The following TLE6 variants were observed in gnomAD, a reference collection of about 807,000 sequenced individuals.
TLE6 encodes the protein transducin-like enhancer protein 6.
In TLE6, 72 loss-of-function variants were observed where a neutral mutation model predicts 77.1. The ratio of observed to expected loss-of-function variants is 0.93; its 90% CI spans 0.77 to 1.14. The LOEUF (loss-of-function observed/expected upper bound fraction) is 1.14. Among genes scored for constraint, TLE6 ranks in the 50% most tolerant of loss-of-function variants. The probability of loss-of-function intolerance (pLI) is 0.00; values close to 1 mark genes in which losing one functional copy is unlikely to be tolerated. For synonymous variants in TLE6, 366 were observed against 287.3 expected (o/e 1.27, Z -2.77); for missense variants, 843 against 747.6 (o/e 1.13, Z -1.49).
chr19:2,987,811 C>T, intron 9 of TLE6, 21 bp downstream of exon 9: 4 of 1,614,086 alleles, frequency 2.5e-6, no homozygotes, highest in Non-Finnish European at 3.4e-6. Context: ...CGGGCAGGGG[C>T]CGACCGACTC....
rs2088987908 is a variant in TLE6 at position 2,989,285 on chromosome 19, G to C, written c.965G>C (p.Arg322Thr). The change falls in exon 12 of 17, where the codon AGG becomes ACG. Residue 322 changes from arginine (R) to threonine (T), a missense_variant. Coordinates refer to ENST00000246112, the MANE Select transcript of TLE6 (RefSeq NM_001143986.2). The stretch of plus-strand genomic sequence containing the variant: ...CTGACTGGACAGGTGGCTGAGGACA[G>C]GTTCCCTGAGAGCCACCTGCCTATA... ...WSLTGQVAED[R>T]FPESHLPIQT... is the part of the protein sequence containing the mutation. 1 of 1,613,176 alleles carries C rather than the reference G, an allele frequency of 6.2e-7. No homozygotes were observed. Among genetic ancestry groups the C allele is most frequent in the African/African-American group, 1.3e-5 (1 of 74,952 alleles).
intron 13 of TLE6, among the ~76,000 whole-genome samples, chr19:2,991,640 G>A (rs989654098): frequency 1.7e-4 from 25 of 150,326 alleles, no homozygotes; most frequent in Non-Finnish European, 2.7e-4. Context: ...AGGCCCAGGC[G>A]GACGGAGAAG....
rs751906599 is a variant in TLE6, at chr19:2,991,829, TC to T, written c.1245-11del. 6.2e-7 allele frequency: 1 copy of T among 1,612,858 alleles called. No homozygotes were observed. Among genetic ancestry groups the T allele is most frequent in the Non-Finnish European group, 8.5e-7 (1 of 1,179,290 alleles). ...GTCTTGACCTGATTGCCTCCCGATG[TC>T]CCTTCTGGCCAGGGACCTCAAGGGT... is the stretch of plus-strand genomic sequence containing the variant. On this transcript the variant is annotated splice_polypyrimidine_tract_variant and intron_variant, in intron 13 of 16. Transcript: ENST00000246112.
intron 1 of TLE6, 78 bp downstream of exon 1, chr19:2,977,688 G>C (rs1478518941): frequency 6.5e-6 from 1 of 153,462 alleles, no homozygotes; most frequent in Non-Finnish European, 1.5e-5. Context: ...AGGGGCTGCA[G>C]GGGCGTGGAG....
intron 10 of TLE6, 52 bp from the exon 11 acceptor site, chr19:2,988,039 G>A: frequency 6.4e-7 from 1 of 1,570,198 alleles, no homozygotes; most frequent in Non-Finnish European, 8.6e-7. Flanking sequence ...AGAGGAGGTG[G>A]GCACAGATGT....
chr19:2,992,332 C>T (rs1007539066), intron 14 of TLE6, among the ~76,000 whole-genome samples: 3 of 152,102 alleles, frequency 2.0e-5, no homozygotes, highest in Admixed American at 6.6e-5. Context: ...ATTGGCCAGG[C>T]ATGGTGGCAC....
At chr19:2,990,474 G>C (rs945919274) in intron 13 of TLE6, among the ~76,000 whole-genome samples, 13 of 150,442 alleles carry the variant, frequency 8.6e-5, no homozygotes, top group Non-Finnish European at 1.8e-4. Flanking sequence ...CGCGGTGGTG[G>C]GTACCTGTAG....
chr19:2,988,601 A>T (rs1437564295), intron 11 of TLE6, among the ~76,000 whole-genome samples: 1 of 152,090 alleles, frequency 6.6e-6, no homozygotes, highest in Non-Finnish European at 1.5e-5. Context: ...GTCTCAAAAA[A>T]AAAGTGCAGT....
Position 2,990,827 on chromosome 19 carries a change from C to G in TLE6, c.1245-1016C>G, listed in dbSNP as rs1482631846. Among the ~76,000 whole-genome samples, 6 of 149,836 alleles carry G rather than the reference C, an allele frequency of 4.0e-5. No homozygotes were observed. In the Admixed American group the frequency reaches 4.0e-4, roughly 10 times the overall value. On this transcript the variant is annotated intron_variant, in intron 13 of 16. Transcript: ENST00000246112. ...ACCAGCCTGGCCAACATGGCGAAAC[C>G]CCCTCTCTACTAAAAAATATGAAAA...
chr19:2,987,447 A>AC (rs1264186260), intron 8 of TLE6, 75 bp downstream of exon 8: 2 of 1,585,046 alleles, frequency 1.3e-6, no homozygotes, highest in Admixed American at 3.3e-5. Flanking sequence ...AGGTCAGGGC[A>AC]CTGGGGTTCC....
intron 16 of TLE6, among the ~76,000 whole-genome samples, 154 bp from the exon 17 acceptor site, chr19:2,994,746 G>A (rs2145080540): frequency 6.6e-6 from 1 of 152,322 alleles, no homozygotes; most frequent in Admixed American, 6.5e-5. Context: ...CGAGGCTGCA[G>A]CAAGCTGAGA....
At chr19:2,990,703 A>T (rs1437758435) in intron 13 of TLE6, among the ~76,000 whole-genome samples, 1 of 130,072 alleles carries the variant, frequency 7.7e-6, no homozygotes, top group Admixed American at 7.5e-5. Context: ...ATAAATATAT[A>T]CATATATAAA....
At chr19:2,990,197 G>A (rs370698286) in intron 13 of TLE6, among the ~76,000 whole-genome samples, 1 of 151,950 alleles carries the variant, frequency 6.6e-6, no homozygotes, top group South Asian at 2.1e-4. Context: ...CCAGGAATTC[G>A]AGATTAACCT....
At position 2,982,725 on chromosome 19, in the gene TLE6, C is replaced by T. The variant is rs371683687; in HGVS notation, c.222+536C>T. Among the ~76,000 whole-genome samples, 3 of 151,884 alleles carry T rather than the reference C, an allele frequency of 2.0e-5. No individual in the cohort carries two copies. The South Asian group carries it at 6.2e-4, about 32-fold the overall frequency. ...GAAGCCCCCGTGATATTAGTGGAGG[C>T]CCCATATCTTGGGGAGCATCTCCTG... On this transcript the variant is annotated intron_variant, in intron 5 of 16. Coordinates refer to ENST00000246112, the MANE Select transcript of TLE6 (RefSeq NM_001143986.2).
intron 5 of TLE6, among the ~76,000 whole-genome samples, chr19:2,983,251 T>C (rs1319898999): frequency 6.6e-6 from 1 of 152,092 alleles, no homozygotes; most frequent in Non-Finnish European, 1.5e-5. Flanking sequence ...AATACTGTTG[T>C]AGAAGCCAGG....
chr19:2,978,468 G>A (rs1452187917), intron 2 of TLE6, among the ~76,000 whole-genome samples, 184 bp downstream of exon 2: 1 of 152,138 alleles, frequency 6.6e-6, no homozygotes, highest in African/African-American at 2.4e-5. Context: ...ATTAAGTGTA[G>A]GCTGGACACT....
intron 13 of TLE6, 29 bp from the exon 14 acceptor site, chr19:2,991,814 G>T: frequency 6.2e-7 from 1 of 1,611,790 alleles, no homozygotes; most frequent in South Asian, 1.1e-5. Context: ...GTCTTGACCT[G>T]ATTGCCTCCC....
chr19:2,990,225 AATTT>A (rs2089013487), intron 13 of TLE6, among the ~76,000 whole-genome samples: 1 of 152,192 alleles, frequency 6.6e-6, no homozygotes, highest in African/African-American at 2.4e-5. Context: ...GAATAAAACG[AATTT>A]ATTCTATTTT....
intron 11 of TLE6, 151 bp from the exon 12 acceptor site, chr19:2,988,910 G>C: frequency 9.7e-7 from 1 of 1,034,352 alleles, no homozygotes; most frequent in Non-Finnish European, 1.4e-6. Flanking sequence ...AATATGAGCA[G>C]GACATTGAGG....
Sources: gnomAD v4.1 joint callset for allele counts (sites outside exome capture counted in the v4.1 genomes callset) on GRCh38, gnomAD v4.1.1 for gene constraint, MANE v1.5 for transcripts, NCBI Gene and HGNC (gene_info 2026-07-23, HGNC 2026-07-21) for gene names.